The following DENND2B variants were observed in gnomAD, a reference collection of about 807,000 sequenced individuals.
DENND2B encodes the protein DENN domain-containing protein 2B.
DENND2B carries 32 observed loss-of-function variants against 116.0 expected under a neutral mutation model. The ratio of observed to expected loss-of-function variants is 0.28; its 90% CI spans 0.21 to 0.37. The LOEUF is 0.37. DENND2B is among the 10% of genes least tolerant of loss of function. The pLI, the probability that DENND2B is intolerant of heterozygous loss-of-function variation, is 1.00. For missense variants in DENND2B, 1,276 were observed against 1,477.7 expected, an observed-to-expected ratio of 0.86 and a Z score of 2.24; for synonymous variants, 588 against 583.9, an observed-to-expected ratio of 1.01 and a Z score of -0.10.
Position 8,702,128 on chromosome 11 carries a change from T to A in DENND2B, c.2720+444A>T, listed in dbSNP as rs2041818896. On this transcript the variant is annotated intron_variant, in intron 14 of 19. Coordinates refer to ENST00000313726, the MANE Select transcript of DENND2B (RefSeq NM_213618.2). This position sits in a 1 kb window ranked among gnomAD's most constrained non-coding sequence, Gnocchi z 4.6. Reference sequence around the variant, plus strand: ...GGACCCTCGCTGGCTGGCTCAGCATTCCTCACACTGTCCCCGGTCAGTGCT... The same window carrying A: ...GGACCCTCGCTGGCTGGCTCAGCATACCTCACACTGTCCCCGGTCAGTGCT... Among the ~76,000 whole-genome samples, 1 of 152,054 alleles carries A rather than the reference T, an allele frequency of 6.6e-6. No individual in the cohort carries two copies. The highest frequency in any genetic ancestry group is 1.5e-5 in the Non-Finnish European group (1 of 68,004).
chr11:8,797,547 C>G (rs2059940967), intron 1 of DENND2B, among the ~76,000 whole-genome samples: 1 of 145,898 alleles, frequency 6.9e-6, no homozygotes, highest in African/African-American at 2.5e-5. Context: ...CCCCTTTCCT[C>G]TTCTCTTCTC....
chr11:8,708,173 G>T (rs1300985357), intron 11 of DENND2B: 1 of 1,288,430 alleles, frequency 7.8e-7, no homozygotes, highest in Non-Finnish European at 9.9e-7. Context: ...AGGCTACAGG[G>T]TGTCTGTGGA....
At chr11:8,890,120 C>A (rs1052896774) in intron 1 of DENND2B, among the ~76,000 whole-genome samples, 2 of 152,172 alleles carry the variant, frequency 1.3e-5, no homozygotes, top group African/African-American at 4.8e-5. Context: ...CTGCTGATAC[C>A]CAGGCAAACA....
chr11:8,863,257 CTT>C (rs56359289), intron 2 of DENND2B, among the ~76,000 whole-genome samples: 5 of 124,488 alleles, frequency 4.0e-5, no homozygotes, highest in Admixed American at 9.0e-5. Context: ...ACGCCACTTT[CTT>C]TTTTTTTTTT....
At chr11:8,879,904 G>A (rs76169324) in intron 2 of DENND2B, among the ~76,000 whole-genome samples, 8,887 of 152,258 alleles carry the variant, frequency 0.058, 359 homozygotes, top group Non-Finnish European at 0.092. Context: ...ATAATGGAAC[G>A]ATAAATGCTT....
chr11:8,759,601 G>A (rs2054225477), intron 1 of DENND2B, among the ~76,000 whole-genome samples: 1 of 152,188 alleles, frequency 6.6e-6, no homozygotes. Flanking sequence ...GGTGGGAATG[G>A]GAACAGAGCT....
At chr11:8,824,388 T>A (rs2061889770) in intron 4 of DENND2B, among the ~76,000 whole-genome samples, 1 of 152,146 alleles carries the variant, frequency 6.6e-6, no homozygotes, top group Admixed American at 6.5e-5. Flanking sequence ...TGCCTGTTCT[T>A]CTCCTCTATG....
chr11:8,847,235 T>A (rs1335908914), intron 3 of DENND2B, among the ~76,000 whole-genome samples: 1 of 152,168 alleles, frequency 6.6e-6, no homozygotes, highest in African/African-American at 2.4e-5. Flanking sequence ...CATTCTCCCA[T>A]CATGGGAGGC....
At chr11:8,774,257 T>C in intron 1 of DENND2B, 7 of 985,490 alleles carry the variant, frequency 7.1e-6, no homozygotes, top group Non-Finnish European at 8.4e-6. Context: ...ACTAGCAGTC[T>C]CTTCCAGAAA....
intron 16 of DENND2B, among the ~76,000 whole-genome samples, chr11:8,698,164 AAAG>A: frequency 6.8e-6 from 1 of 146,892 alleles, no homozygotes; most frequent in East Asian, 2.0e-4. Flanking sequence ...AAAAAAAAAA[AAAG>A]GGGGTAGAGC....
At chr11:8,697,938 C>T in intron 16 of DENND2B, 1 of 490,442 alleles carries the variant, frequency 2.0e-6, no homozygotes, top group East Asian at 5.4e-5. Context: ...TCGAGACCAG[C>T]CTGGGCAACT....
At position 8,754,460 on chromosome 11, in the gene DENND2B, TC is replaced by T. The variant is rs535215155; in HGVS notation, c.-25-3736del. 3.3e-3 allele frequency among the ~76,000 whole-genome samples: 509 copies of T among 152,318 alleles called. 4 individuals are homozygous for T. Among genetic ancestry groups the T allele is most frequent in the African/African-American group, 0.011 (472 of 41,552 alleles). On this transcript the variant is annotated intron_variant, in intron 1 of 19. Transcript: ENST00000313726. ...ACTGTAGAGAAATTGGAACTTTCAT[TC>T]CCTGCTGGTAGAAATGTAAAATGGC...
intron 1 of DENND2B, among the ~76,000 whole-genome samples, chr11:8,798,976 G>A (rs957048990): frequency 2.6e-5 from 4 of 151,820 alleles, no homozygotes; most frequent in Non-Finnish European, 4.4e-5. Context: ...TACAGGCACC[G>A]GCCACCACAC....
intron 1 of DENND2B, among the ~76,000 whole-genome samples, chr11:8,781,046 C>T (rs751425058): frequency 5.3e-5 from 8 of 152,114 alleles, no homozygotes; most frequent in Non-Finnish European, 8.8e-5. Flanking sequence ...CCGAGTTCAG[C>T]ATCCTAAAAG....
In DENND2B at chr11:8,707,616, G is replaced by A. The variant is rs2042837267; in HGVS notation, c.2430+161C>T. Among the ~76,000 whole-genome samples, 1 of 152,226 alleles carries A rather than the reference G, an allele frequency of 6.6e-6. No individual in the cohort carries two copies. The highest frequency in any genetic ancestry group is 2.1e-4 in the South Asian group (1 of 4,838). Reference sequence around the variant, plus strand: ...CCAGCTGGGTAGAGAACCAGGCCGGGGAATGGGAGGGTGTCAGAGAGCTCA... The same window carrying A: ...CCAGCTGGGTAGAGAACCAGGCCGGAGAATGGGAGGGTGTCAGAGAGCTCA... On this transcript the variant is annotated intron_variant, in intron 12 of 19. Transcript: ENST00000313726. This position sits in a 1 kb window ranked among gnomAD's most constrained non-coding sequence, Gnocchi z 4.8.
At chr11:8,728,919 T>C (rs769513016) in intron 3 of DENND2B, among the ~76,000 whole-genome samples, 2 of 152,134 alleles carry the variant, frequency 1.3e-5, no homozygotes, top group Non-Finnish European at 2.9e-5. Context: ...AAGCAAACAC[T>C]CTTGGCAGGC....
chr11:8,839,453 G>A (rs2062549405), intron 3 of DENND2B: 1 of 152,172 alleles, frequency 6.6e-6, no homozygotes, highest in South Asian at 2.1e-4. Context: ...AATTGTATTA[G>A]AGGCTCTGAT....
chr11:8,892,469 G>T (rs1208889491), intron 1 of DENND2B, among the ~76,000 whole-genome samples: 2 of 151,952 alleles, frequency 1.3e-5, no homozygotes, highest in African/African-American at 4.8e-5. Flanking sequence ...CTGGTTTTTT[G>T]AAAAGATCAA....
At position 8,866,367 on chromosome 11, in the gene DENND2B, C is replaced by G. The variant is rs996702542; in HGVS notation, c.-250+4587G>C. Among the ~76,000 whole-genome samples the G allele has an allele frequency of 2.6e-5, 4 of 152,208 alleles. 1 individual carries two copies. Among genetic ancestry groups the G allele is most frequent in the African/African-American group, 7.2e-5 (3 of 41,450 alleles). On this transcript the variant is annotated intron_variant, in intron 2 of 6. Coordinates refer to the DENND2B transcript ENST00000524757. ...AATACAAAAACATTAACTATGTAAG[C>G]AATGCATCAAAAATGCAACCAAACA... is the stretch of plus-strand genomic sequence containing the variant.
Sources: gnomAD v4.1 joint callset for allele counts (sites outside exome capture counted in the v4.1 genomes callset) on GRCh38, gnomAD v4.1.1 for gene constraint, Gnocchi (gnomAD v3.1) non-coding constraint, MANE v1.5 for transcripts, NCBI Gene and HGNC (gene_info 2026-07-23, HGNC 2026-07-21) for gene names.